The following PRKCA variants were observed in gnomAD, a reference collection of about 807,000 sequenced individuals.
PRKCA encodes the protein protein kinase C alpha type.
A neutral mutation model predicts 87.0 loss-of-function variants in PRKCA; 27 were observed. That is an observed-to-expected ratio of 0.31 (90% CI 0.23 to 0.43). The LOEUF (loss-of-function observed/expected upper bound fraction) is 0.43, where lower values mean the gene tolerates loss of function less well. Ranked by LOEUF, PRKCA falls within the 20% of genes least tolerant of loss-of-function variation. The pLI is 1.00. For synonymous variants in PRKCA, 329 were observed against 311.1 expected (o/e 1.06, Z -0.61); for missense variants, 518 against 852.3 (o/e 0.61, Z 4.88).
chr17:66,717,298 A>G (rs964551718), intron 8 of PRKCA, among the ~76,000 whole-genome samples: 5 of 152,186 alleles, frequency 3.3e-5, no homozygotes, highest in African/African-American at 7.2e-5. Flanking sequence ...TCGAGCTACA[A>G]TGGCAGAGTT....
At chr17:66,749,432 A>G (rs1484015115) in intron 13 of PRKCA, among the ~76,000 whole-genome samples, 2 of 151,758 alleles carry the variant, frequency 1.3e-5, no homozygotes, top group Admixed American at 6.6e-5. Context: ...CTGCTCAGAG[A>G]TCACCTTGGG....
intron 3 of PRKCA, among the ~76,000 whole-genome samples, chr17:66,514,415 T>C (rs750392235): frequency 5.9e-5 from 9 of 151,326 alleles, no homozygotes; most frequent in Non-Finnish European, 1.2e-4. Flanking sequence ...AAGTTGTCTG[T>C]TGCAGATATC....
chr17:66,773,272 G>A (rs1191593825), intron 13 of PRKCA, among the ~76,000 whole-genome samples: 1 of 152,078 alleles, frequency 6.6e-6, no homozygotes, highest in African/African-American at 2.4e-5. Context: ...GTTGGCTCTA[G>A]ATACTATATT....
intron 8 of PRKCA, among the ~76,000 whole-genome samples, chr17:66,728,168 C>T (rs978616984): frequency 2.0e-5 from 3 of 152,208 alleles, no homozygotes; most frequent in Non-Finnish European, 4.4e-5. Flanking sequence ...GTAGTGGAAA[C>T]AGAAGTGCTG....
chr17:66,644,552 CT>C (rs1298010111), intron 4 of PRKCA, among the ~76,000 whole-genome samples: 3 of 152,172 alleles, frequency 2.0e-5, no homozygotes, highest in African/African-American at 7.2e-5. Flanking sequence ...TATCCTCCCC[CT>C]GTCTCACCCA....
intron 2 of PRKCA, among the ~76,000 whole-genome samples, chr17:66,472,088 A>T (rs1371856562): frequency 1.3e-5 from 2 of 152,126 alleles, no homozygotes; most frequent in Non-Finnish European, 2.9e-5. Context: ...CTCAGCCTTC[A>T]GAGTAGCTAG....
chr17:66,793,103 C>T (rs934972997), intron 16 of PRKCA, among the ~76,000 whole-genome samples: 15 of 152,216 alleles, frequency 9.9e-5, no homozygotes, highest in Non-Finnish European at 1.8e-4. Flanking sequence ...CTAGCTCTTC[C>T]TCTTTATGAG....
intron 2 of PRKCA, among the ~76,000 whole-genome samples, chr17:66,423,705 A>G (rs1429620067): frequency 1.3e-5 from 2 of 152,208 alleles, no homozygotes; most frequent in Non-Finnish European, 1.5e-5. Context: ...CCCCCAGTTG[A>G]GAAACACAAT....
intron 2 of PRKCA, among the ~76,000 whole-genome samples, chr17:66,388,767 C>G (rs898617929): frequency 6.6e-6 from 1 of 152,166 alleles, no homozygotes; most frequent in Non-Finnish European, 1.5e-5. Flanking sequence ...GCTGCACCTT[C>G]CTATACACAA....
At position 66,688,886 on chromosome 17, in the gene PRKCA, C is replaced by T. The variant is rs1972702269; in HGVS notation, c.822-65C>T. 16 of 1,035,646 alleles carry T rather than the reference C, an allele frequency of 1.5e-5. 1 individual carries two copies. The Admixed American group carries it at 2.8e-4, about 18-fold the overall frequency. The allele number at this position is 1,035,646 out of a possible 1,614,324, so 64.2% of individuals were successfully genotyped here. On this transcript the variant is annotated intron_variant, in intron 7 of 16. Coordinates refer to ENST00000413366, the MANE Select transcript of PRKCA (RefSeq NM_002737.3). ...GGATGCGTTTCACAAAACCGCTCGA[C>T]TAGAGGCTGCAGGAAAGGCTTGTTA...
chr17:66,802,524 CAAA>C, intron 16 of PRKCA, among the ~76,000 whole-genome samples: 1 of 132,776 alleles, frequency 7.5e-6, no homozygotes, highest in South Asian at 2.7e-4. Flanking sequence ...GACTCCATCT[CAAA>C]AAAAAAAACG....
chr17:66,662,958 G>A (rs1971947165), intron 5 of PRKCA, among the ~76,000 whole-genome samples: 2 of 152,176 alleles, frequency 1.3e-5, no homozygotes, highest in Non-Finnish European at 2.9e-5. Flanking sequence ...TGGGGAACAA[G>A]TGTATGGGAA....
At chr17:66,494,613 A>T (rs189602764) in intron 2 of PRKCA, among the ~76,000 whole-genome samples, 2 of 152,344 alleles carry the variant, frequency 1.3e-5, no homozygotes, top group Non-Finnish European at 2.9e-5. Flanking sequence ...CTGACATGAA[A>T]TCAAACCACA....
intron 2 of PRKCA, among the ~76,000 whole-genome samples, chr17:66,322,522 G>A (rs1183275053): frequency 6.6e-6 from 1 of 151,992 alleles, no homozygotes; most frequent in African/African-American, 2.4e-5. Flanking sequence ...GAGTGCAGTG[G>A]TACAATCCTA....
At chr17:66,770,331 A>T (rs1974905127) in intron 13 of PRKCA, among the ~76,000 whole-genome samples, 3 of 152,258 alleles carry the variant, frequency 2.0e-5, no homozygotes, top group Admixed American at 6.5e-5. Context: ...GAAATCTTCC[A>T]TGTAAACATT....
chr17:66,322,636 A>ATT (rs201655136), intron 2 of PRKCA, among the ~76,000 whole-genome samples: 5 of 122,216 alleles, frequency 4.1e-5, no homozygotes, highest in Non-Finnish European at 5.1e-5. Context: ...CTAATTTTTA[A>ATT]TTGTTTTTTT....
chr17:66,721,701 G>A (rs1221965764), intron 8 of PRKCA, among the ~76,000 whole-genome samples: 2 of 152,104 alleles, frequency 1.3e-5, no homozygotes, highest in South Asian at 4.1e-4. Flanking sequence ...CCAGAGGGTC[G>A]CTTTCCTCGC....
chr17:66,707,186 C>A (rs575152741), intron 8 of PRKCA, among the ~76,000 whole-genome samples: 2 of 152,146 alleles, frequency 1.3e-5, no homozygotes, highest in African/African-American at 2.4e-5. Flanking sequence ...CCTCCACTTC[C>A]GTCAGTCCTA....
At chr17:66,450,643 G>A (rs911995133) in intron 2 of PRKCA, among the ~76,000 whole-genome samples, 16 of 152,230 alleles carry the variant, frequency 1.1e-4, no homozygotes, top group Admixed American at 4.6e-4. Flanking sequence ...AGTTATTACC[G>A]GATGACTTTC....
Sources: gnomAD v4.1 joint callset for allele counts (sites outside exome capture counted in the v4.1 genomes callset) on GRCh38, gnomAD v4.1.1 for gene constraint, MANE v1.5 for transcripts, NCBI Gene and HGNC (gene_info 2026-07-23, HGNC 2026-07-21) for gene names.